The following FMN1 variants were observed in gnomAD, a reference collection of about 807,000 sequenced individuals.
FMN1 encodes the protein formin-1.
A neutral mutation model predicts 132.4 loss-of-function variants in FMN1; 110 were observed. That is an observed-to-expected ratio of 0.83 (90% CI 0.71 to 0.97). FMN1 has a LOEUF of 0.97. FMN1 is among the 50% of genes least tolerant of loss of function. The pLI is 0.00. For missense variants in FMN1, 1,792 were observed against 1,705.3 expected (o/e 1.05, Z -0.90); for synonymous variants, 722 against 651.7 (o/e 1.11, Z -1.64).
intron 17 of FMN1, among the ~76,000 whole-genome samples, chr15:32,844,509 A>G (rs1275385124): frequency 6.6e-6 from 1 of 152,194 alleles, no homozygotes; most frequent in Non-Finnish European, 1.5e-5. Context: ...AGTTCCATGC[A>G]TATCTGGTAC....
intron 6 of FMN1, among the ~76,000 whole-genome samples, chr15:33,053,496 C>T (rs968349110): frequency 1.3e-5 from 2 of 152,242 alleles, no homozygotes; most frequent in African/African-American, 2.4e-5. Flanking sequence ...GCTGCAAGTT[C>T]GGGAAAGGGG....
At chr15:33,040,813 C>A (rs1302450192) in intron 6 of FMN1, among the ~76,000 whole-genome samples, 1 of 152,166 alleles carries the variant, frequency 6.6e-6, no homozygotes, top group South Asian at 2.1e-4. Flanking sequence ...ATGAAGGAGT[C>A]TTCACATTAA....
intron 15 of FMN1, among the ~76,000 whole-genome samples, chr15:32,891,657 A>G (rs1260488671): frequency 6.6e-6 from 1 of 152,152 alleles, no homozygotes; most frequent in Non-Finnish European, 1.5e-5. Context: ...CCTTTTCACA[A>G]TATTGATACT....
chr15:33,115,997 T>G (rs1305196787), intron 4 of FMN1, among the ~76,000 whole-genome samples: 1 of 152,174 alleles, frequency 6.6e-6, no homozygotes, highest in Non-Finnish European at 1.5e-5. Context: ...CTGGGCTGAA[T>G]TAAAGAATTT....
intron 16 of FMN1, among the ~76,000 whole-genome samples, chr15:32,864,210 C>A (rs969482083): frequency 1.3e-5 from 2 of 152,074 alleles, no homozygotes; most frequent in Non-Finnish European, 2.9e-5. Flanking sequence ...TAAAAAGTAC[C>A]TATTTCATGT....
At position 33,093,809 on chromosome 15, in the gene FMN1, G is replaced by A. The variant is rs544941175; in HGVS notation, c.1868-4835C>T. Reference sequence around the variant, plus strand: ...AAGCTCTGTAAGTCTGAACATTGATGAGGAAAGCATCCATAGCCATCAGGC... The same window carrying A: ...AAGCTCTGTAAGTCTGAACATTGATAAGGAAAGCATCCATAGCCATCAGGC... On this transcript the variant is annotated intron_variant, in intron 4 of 20. Transcript: ENST00000616417. 5.9e-5 allele frequency among the ~76,000 whole-genome samples: 9 copies of A among 152,332 alleles called. 1 individual carries two copies. Among genetic ancestry groups the A allele is most frequent in the East Asian group, 1.9e-4 (1 of 5,192 alleles).
chr15:33,111,130 G>A (rs969022648), intron 4 of FMN1, among the ~76,000 whole-genome samples: 1 of 151,974 alleles, frequency 6.6e-6, no homozygotes, highest in Non-Finnish European at 1.5e-5. Context: ...ATTCATTTGT[G>A]TGTTTTCCAT....
intron 18 of FMN1, among the ~76,000 whole-genome samples, chr15:32,801,586 G>A (rs944500835): frequency 6.6e-6 from 1 of 151,994 alleles, no homozygotes; most frequent in African/African-American, 2.4e-5. Flanking sequence ...CTAACATGCT[G>A]AAACCCCATC....
At chr15:33,117,447 C>A (rs539856897) in intron 4 of FMN1, among the ~76,000 whole-genome samples, 3 of 152,108 alleles carry the variant, frequency 2.0e-5, no homozygotes, top group Non-Finnish European at 4.4e-5. Context: ...CATTTCTCGG[C>A]GTTTTCTTAT....
intron 5 of FMN1, among the ~76,000 whole-genome samples, chr15:33,075,245 G>T (rs1433970422): frequency 6.6e-6 from 1 of 152,022 alleles, no homozygotes; most frequent in Non-Finnish European, 1.5e-5. Context: ...CAGTAAGTAG[G>T]ATATGTTTTC....
intron 7 of FMN1, 57 bp downstream of exon 7, chr15:33,007,957 G>A: frequency 7.0e-7 from 1 of 1,427,734 alleles, no homozygotes. Flanking sequence ...CTTCAGCATA[G>A]GAGAAAACCA....
In FMN1 at chr15:33,152,985, G is replaced by A. The variant is rs552720707; in HGVS notation, c.1867+63C>T. ...AATCAGTCAGTTTCTAAGTAGCACAGGCAGACTGATAGTTCCCCAATCAGC... is the reference window on the plus strand; with the variant it reads ...AATCAGTCAGTTTCTAAGTAGCACAAGCAGACTGATAGTTCCCCAATCAGC... On this transcript the variant is annotated intron_variant, in intron 4 of 20. Transcript: ENST00000616417. 5.5e-5 allele frequency: 78 copies of A among 1,409,424 alleles called. No homozygotes were observed. The African/African-American group carries it at 1.1e-3, about 20-fold the overall frequency. The allele number at this position is 1,409,424 out of a possible 1,614,324, so 87.3% of individuals were successfully genotyped here.
intron 4 of FMN1, among the ~76,000 whole-genome samples, chr15:33,110,553 G>A (rs2140121987): frequency 6.6e-6 from 1 of 151,974 alleles, no homozygotes; most frequent in East Asian, 1.9e-4. Flanking sequence ...ATTAACCAAG[G>A]AGAGCATTTT....
At chr15:32,859,950 G>GT (rs1382851481) in intron 16 of FMN1, among the ~76,000 whole-genome samples, 4 of 152,006 alleles carry the variant, frequency 2.6e-5, no homozygotes, top group Non-Finnish European at 4.4e-5. Flanking sequence ...ATCTGGGAGG[G>GT]TTTTTTCTGC....
chr15:32,859,068 A>G (rs4779593), intron 16 of FMN1, among the ~76,000 whole-genome samples: 38,029 of 152,136 alleles, frequency 0.25, 5,117 homozygotes, highest in East Asian at 0.4. Flanking sequence ...AGGGTAAAGG[A>G]GTGGGCAATG....
chr15:32,874,544 T>C (rs1284295738), intron 16 of FMN1, among the ~76,000 whole-genome samples: 1 of 152,208 alleles, frequency 6.6e-6, no homozygotes, highest in Non-Finnish European at 1.5e-5. Flanking sequence ...TCAGAACAGC[T>C]GGAGGGAAAA....
intron 15 of FMN1, among the ~76,000 whole-genome samples, chr15:32,896,879 G>A (rs936982598): frequency 4.6e-5 from 7 of 152,102 alleles, no homozygotes; most frequent in Admixed American, 3.3e-4. Flanking sequence ...ATATGAGAGG[G>A]AAAATGTCTC....
intron 18 of FMN1, among the ~76,000 whole-genome samples, chr15:32,800,055 C>T (rs536188304): frequency 4.6e-5 from 7 of 151,962 alleles, no homozygotes; most frequent in East Asian, 1.9e-4. Context: ...CCTGAAGCTC[C>T]GTTACTATTA....
intron 6 of FMN1, among the ~76,000 whole-genome samples, chr15:33,020,507 C>A (rs866441325): frequency 6.6e-6 from 1 of 152,026 alleles, no homozygotes; most frequent in Admixed American, 6.6e-5. Flanking sequence ...AGTAGCCGGG[C>A]GTGGTGGCAG....
Sources: allele counts gnomAD v4.1 joint callset (sites outside exome capture counted in the v4.1 genomes callset), GRCh38; gene constraint gnomAD v4.1.1; transcripts MANE v1.5; gene names NCBI Gene and HGNC (gene_info 2026-07-23, HGNC 2026-07-21).